Variants in ME2 observed in about 807,000 individuals in gnomAD.
ME2 encodes the protein NAD-dependent malic enzyme, mitochondrial.
Under a neutral mutation model 73.7 loss-of-function variants are expected in ME2, and 60 were observed. The ratio of observed to expected loss-of-function variants is 0.81; its 90% CI spans 0.66 to 1.01. The LOEUF (loss-of-function observed/expected upper bound fraction) is 1.01. ME2 is among the 50% of genes least tolerant of loss of function. ME2 has a pLI of 0.00. For synonymous variants in ME2, 199 were observed against 236.9 expected (o/e 0.84, Z 1.47); for missense variants, 594 against 705.5 (o/e 0.84, Z 1.79).
At position 50,925,845 on chromosome 18, in the gene ME2, A is replaced by T. The variant is rs1473521094; in HGVS notation, c.1261A>T (p.Asn421Tyr). 6.2e-7 allele frequency: 1 copy of T among 1,612,134 alleles called. No individual in the cohort carries two copies. The highest frequency in any genetic ancestry group is 1.3e-5 in the African/African-American group (1 of 75,002). Residue 421 changes from asparagine (N) to tyrosine (Y), a missense_variant, in exon 12 of 16, where the codon AAT becomes TAT. Asn to Tyr is a moderately radical substitution (Grantham distance 143, BLOSUM62 -2). Transcript: ENST00000321341. The part of the protein sequence containing the change: ...NERPVIFALS[N>Y]PTAQAECTAE... ...AAGGCCTGTAATATTTGCATTAAGTAATCCTACAGCACAGGCAGAGTGCAC... is the reference window on the plus strand; with the variant it reads ...AAGGCCTGTAATATTTGCATTAAGTTATCCTACAGCACAGGCAGAGTGCAC...
chr18:50,913,860 T>TACACACACACACACACACACAC (rs1555677139), intron 4 of ME2, among the ~76,000 whole-genome samples: 4 of 143,178 alleles, frequency 2.8e-5, no homozygotes, highest in African/African-American at 5.3e-5. Flanking sequence ...AGCAATATTA[T>TACACACACACACACACACACAC]ACACACACAC....
intron 12 of ME2, among the ~76,000 whole-genome samples, chr18:50,930,584 G>T (rs560659154): frequency 6.6e-6 from 1 of 152,300 alleles, no homozygotes; most frequent in Admixed American, 6.5e-5. Context: ...GGGCAGGGAG[G>T]CAGGGATGGT....
At chr18:50,933,525 C>G (rs945509317) in intron 13 of ME2, 2 of 152,120 alleles carry the variant, frequency 1.3e-5, no homozygotes, top group Non-Finnish European at 2.9e-5. Flanking sequence ...AGAAACTGTC[C>G]TGTCATCCAT....
At chr18:50,929,569 C>G (rs548794066) in intron 12 of ME2, among the ~76,000 whole-genome samples, 66 of 151,548 alleles carry the variant, frequency 4.4e-4, no homozygotes, top group African/African-American at 1.5e-3. Context: ...CCTTTTTGAC[C>G]ACTCCATTAG....
rs1211055968 is a variant in ME2 at position 50,924,148 on chromosome 18, C to T, written c.1107C>T (p.Ala369=). 1.2e-6 allele frequency: 2 copies of T among 1,613,168 alleles called. No individual in the cohort carries two copies. ...DSYQEPFTHS[A]PESIPDTFED... is the part of the protein sequence containing the mutation. ...ATCAGGAACCATTTACTCACTCAGC[C>T]CCAGAGAGCATACCTGATACTTTTG... Residue 369 remains alanine (A), a synonymous_variant, in exon 11 of 16, where the codon GCC becomes GCT. Transcript: ENST00000321341.
chr18:50,896,435 TAGAG>T (rs1293421167), intron 2 of ME2, among the ~76,000 whole-genome samples: 1 of 152,198 alleles, frequency 6.6e-6, no homozygotes, highest in Non-Finnish European at 1.5e-5. Flanking sequence ...TGCTTCAAAA[TAGAG>T]AGACTCCTGG....
In ME2 at chr18:50,939,647, G is replaced by A. The variant is rs1351129393; in HGVS notation, c.1488+7G>A. 2.5e-6 allele frequency: 4 copies of A among 1,579,588 alleles called. No homozygotes were observed. The highest frequency in any genetic ancestry group is 3.5e-6 in the Non-Finnish European group (4 of 1,149,546). Reference sequence around the variant, plus strand: ...TTTCCTAGAAGCTGCAAAGGTAAATGTTTTAAATGTTGTTTATTTTATAAA... The same window carrying A: ...TTTCCTAGAAGCTGCAAAGGTAAATATTTTAAATGTTGTTTATTTTATAAA... On this transcript the variant is annotated splice_region_variant and intron_variant, in intron 14 of 15. Coordinates refer to ENST00000321341, the MANE Select transcript of ME2 (RefSeq NM_002396.5).
At chr18:50,911,238 T>C (rs191019450) in intron 3 of ME2, among the ~76,000 whole-genome samples, 1 of 152,290 alleles carries the variant, frequency 6.6e-6, no homozygotes, top group Non-Finnish European at 1.5e-5. Context: ...AGCAGCCCAG[T>C]TTGTTTACTT....
intron 1 of ME2, among the ~76,000 whole-genome samples, chr18:50,884,834 G>T (rs1255270488): frequency 3.2e-5 from 1 of 31,576 alleles, no homozygotes; most frequent in Non-Finnish European, 6.3e-5. Context: ...ACCAAAGTTT[G>T]TGTGTGTTTG....
Position 50,949,783 on chromosome 18 carries a change from AT to A in ME2, c.*2606del, listed in dbSNP as rs1265302467. On this transcript the variant is annotated 3_prime_UTR_variant, in exon 16 of 16. Coordinates refer to ENST00000321341, the MANE Select transcript of ME2 (RefSeq NM_002396.5). ...TAGCCTGCTTAAATAAAATAATTCT[AT>A]TTTTTTAAAAAGCTCCCAATTGTCA... 6.6e-6 allele frequency: 1 copy of A among 152,156 alleles called. No individual in the cohort carries two copies. Among genetic ancestry groups the A allele is most frequent in the African/African-American group, 2.4e-5 (1 of 41,428 alleles). The allele number at this position is 152,156 out of a possible 1,614,324, so 9.4% of individuals were successfully genotyped here. A position where few individuals can be genotyped will look rare whatever the true frequency, so the allele number is the denominator to read the frequency against.
intron 15 of ME2, among the ~76,000 whole-genome samples, chr18:50,945,739 T>A (rs2144276471): frequency 6.6e-6 from 1 of 152,236 alleles, no homozygotes; most frequent in East Asian, 1.9e-4. Context: ...TTGTTTGAAT[T>A]TTTTCTACCA....
Position 50,947,310 on chromosome 18 carries a change from A to C in ME2, c.*126A>C. 1.1e-6 allele frequency: 1 copy of C among 914,808 alleles called. No homozygotes were observed. The highest frequency in any genetic ancestry group is 1.7e-6 in the Non-Finnish European group (1 of 603,826). The allele number at this position is 914,808 out of a possible 1,614,324, so 56.7% of individuals were successfully genotyped here. ...TCTCCCTGACCACTTTGGTTGATGT[A>C]TTTTTTCCATGCGTCTCCACATCTG... On this transcript the variant is annotated 3_prime_UTR_variant, in exon 16 of 16. Coordinates refer to ENST00000321341, the MANE Select transcript of ME2 (RefSeq NM_002396.5).
intron 1 of ME2, among the ~76,000 whole-genome samples, chr18:50,892,243 T>G (rs1050544845): frequency 6.6e-6 from 1 of 152,212 alleles, no homozygotes; most frequent in Non-Finnish European, 1.5e-5. Flanking sequence ...CAAAATTTCT[T>G]GGATTTTCTC....
intron 1 of ME2, among the ~76,000 whole-genome samples, chr18:50,888,762 TAAC>T (rs1433853078): frequency 2.0e-5 from 3 of 152,160 alleles, no homozygotes; most frequent in Non-Finnish European, 4.4e-5. Context: ...ATCAGGGTCA[TAAC>T]AATGTATTAA....
rs1917310026 is a variant in ME2, at chr18:50,917,429, T to C, written c.551T>C (p.Leu184Pro). 6.2e-7 allele frequency: 1 copy of C among 1,613,644 alleles called. No homozygotes were observed. The highest frequency in any genetic ancestry group is 8.5e-7 in the Non-Finnish European group (1 of 1,179,772). The change falls in exon 6 of 16, where the codon CTT becomes CCT. Residue 184 changes from leucine to proline, a missense_variant. Coordinates refer to ENST00000321341, the MANE Select transcript of ME2 (RefSeq NM_002396.5). ...VYGMGIPVGK[L>P]CLYTACAGIR... The stretch of plus-strand genomic sequence containing the variant: ...GGAATGGGAATTCCAGTAGGAAAAC[T>C]TTGTTTGTATACAGCTTGTGCAGGA...
At chr18:50,901,041 C>G (rs1241922003) in intron 2 of ME2, among the ~76,000 whole-genome samples, 1 of 152,102 alleles carries the variant, frequency 6.6e-6, no homozygotes, top group East Asian at 1.9e-4. Context: ...CAACATAAGC[C>G]ATAGAACATG....
intron 15 of ME2, among the ~76,000 whole-genome samples, chr18:50,943,154 T>C (rs185654015): frequency 3.2e-4 from 48 of 152,220 alleles, no homozygotes; most frequent in Non-Finnish European, 3.1e-4. Context: ...TATTTTCTAC[T>C]TTTTAAAAGA....
chr18:50,936,952 C>T lies in ME2; in HGVS notation c.1418-2618C>T, dbSNP rs141380842. Among the ~76,000 whole-genome samples the T allele has an allele frequency of 3.9e-3, 599 of 152,028 alleles. 9 individuals are homozygous for T. The East Asian group carries it at 0.056, about 14-fold the overall frequency. ...TCTCAAAAAAAAATTTAATGTAGAA[C>T]GTTGGTGGTTAAAGATGCATGATAT... On this transcript the variant is annotated intron_variant, in intron 13 of 15. Transcript: ENST00000321341.
chr18:50,924,774 C>T (rs560689681), intron 11 of ME2, among the ~76,000 whole-genome samples: 5 of 151,672 alleles, frequency 3.3e-5, no homozygotes, highest in South Asian at 2.1e-4. Context: ...TTCCACCTCC[C>T]GGGTTCAAGC....
Sources: gnomAD v4.1 joint callset for allele counts (sites outside exome capture counted in the v4.1 genomes callset) on GRCh38, gnomAD v4.1.1 for gene constraint, MANE v1.5 for transcripts, NCBI Gene and HGNC (gene_info 2026-07-23, HGNC 2026-07-21) for gene names.